ZNF845: variants seen among roughly 807,000 people sequenced by gnomAD.
The protein encoded by ZNF845 is zinc finger protein 845.
Under a neutral mutation model 76.1 loss-of-function variants are expected in ZNF845, and 59 were observed. The ratio of observed to expected loss-of-function variants is 0.78; its 90% CI spans 0.63 to 0.96. The LOEUF (loss-of-function observed/expected upper bound fraction) is 0.96. Among genes scored for constraint, ZNF845 ranks in the 40% least tolerant of loss-of-function variants. The pLI, the probability that ZNF845 is intolerant of heterozygous loss-of-function variation, is 0.00. For missense variants in ZNF845, 1,045 were observed against 1,172.8 expected (o/e 0.89, Z 1.59); for synonymous variants, 361 against 386.9 (o/e 0.93, Z 0.78).
Position 53,353,370 on chromosome 19 carries a change from C to G in ZNF845, c.2695C>G (p.Gln899Glu), listed in dbSNP as rs775236610. The part of the protein sequence containing the change: ...CNKCGKVFNQ[Q>E]AHLACHHRIH... Reference sequence around the variant, plus strand: ...TAAATGTGGTAAGGTTTTTAATCAACAAGCACACCTTGCATGTCATCATAG... The same window carrying G: ...TAAATGTGGTAAGGTTTTTAATCAAGAAGCACACCTTGCATGTCATCATAG... The change falls in exon 4 of 4, where the codon CAA becomes GAA. Residue 899 changes from glutamine (Q) to glutamate (E), a missense_variant. Gln to Glu is a conservative substitution (Grantham distance 29). Transcript: ENST00000458035. The G allele has an allele frequency of 2.8e-5, 45 of 1,608,086 alleles. No individual in the cohort carries two copies. The highest frequency in any genetic ancestry group is 3.6e-5 in the Non-Finnish European group (43 of 1,178,520).
At chr19:53,345,877 G>GTTGTTT (rs2085292918) in intron 3 of ZNF845, among the ~76,000 whole-genome samples, 1 of 145,626 alleles carries the variant, frequency 6.9e-6, no homozygotes, top group African/African-American at 2.5e-5. Context: ...TTTTGTAGTT[G>GTTGTTT]TTGTTTTTGT....
At chr19:53,335,363 C>T (rs775850801) in intron 1 of ZNF845, among the ~76,000 whole-genome samples, 1 of 152,140 alleles carries the variant, frequency 6.6e-6, no homozygotes. Context: ...TAGGCTCAAG[C>T]GATCCTCTTA....
At chr19:53,341,056 T>A (rs2085252968) in intron 1 of ZNF845, 179 bp from the exon 2 acceptor site, 1 of 634,654 alleles carries the variant, frequency 1.6e-6, no homozygotes, top group African/African-American at 1.9e-5. Context: ...TTGGCTGCTC[T>A]GCATGCTTCT....
chr19:53,334,551 G>C (rs111720466), intron 1 of ZNF845, among the ~76,000 whole-genome samples: 8,376 of 152,074 alleles, frequency 0.055, 572 homozygotes, highest in African/African-American at 0.16. Context: ...ACAAGAGCTA[G>C]AGAGAGAAGG....
intron 1 of ZNF845, among the ~76,000 whole-genome samples, chr19:53,339,449 CTG>C (rs2085240786): frequency 6.6e-6 from 1 of 152,192 alleles, no homozygotes; most frequent in Non-Finnish European, 1.5e-5. Context: ...GTTTCCCTGC[CTG>C]TCCTTGATCC....
At chr19:53,333,963 A>C (rs1276351851) in intron 1 of ZNF845, among the ~76,000 whole-genome samples, 171 bp downstream of exon 1, 1 of 152,234 alleles carries the variant, frequency 6.6e-6, no homozygotes, top group Non-Finnish European at 1.5e-5. Flanking sequence ...TTGGGTTTAA[A>C]GTCGCCCTGA....
At chr19:53,338,716 ACACACG>A (rs751790021) in intron 1 of ZNF845, among the ~76,000 whole-genome samples, 10 of 77,110 alleles carry the variant, frequency 1.3e-4, no homozygotes, top group African/African-American at 2.7e-4. Flanking sequence ...ACACACACAC[ACACACG>A]CACACACACA....
intron 3 of ZNF845, chr19:53,346,377 T>C (rs532841780): frequency 3.5e-6 from 1 of 282,222 alleles, no homozygotes; most frequent in South Asian, 1.8e-5. Context: ...GCAGCCGGCT[T>C]CGCTCTCGTG....
At chr19:53,334,665 C>T (rs1423252908) in intron 1 of ZNF845, among the ~76,000 whole-genome samples, 1 of 150,710 alleles carries the variant, frequency 6.6e-6, no homozygotes, top group African/African-American at 2.4e-5. Flanking sequence ...CTTTAGGAGA[C>T]TGGGGCAGAG....
chr19:53,335,787 A>C (rs1396719062), intron 1 of ZNF845, among the ~76,000 whole-genome samples: 2 of 151,928 alleles, frequency 1.3e-5, no homozygotes, highest in African/African-American at 2.4e-5. Flanking sequence ...TTTTTAGTAG[A>C]GACGGGGTTT....
intron 1 of ZNF845, among the ~76,000 whole-genome samples, chr19:53,336,604 C>G (rs2085215508): frequency 7.1e-6 from 1 of 141,464 alleles, no homozygotes; most frequent in Non-Finnish European, 1.6e-5. Context: ...TTTTTTCTTT[C>G]TGGTTCCTCT....
At chr19:53,342,344 T>C (rs2085262499) in intron 2 of ZNF845, among the ~76,000 whole-genome samples, 1 of 152,058 alleles carries the variant, frequency 6.6e-6, no homozygotes, top group Non-Finnish European at 1.5e-5. Flanking sequence ...CTCAAACTTC[T>C]GACCTAAGGT....
At chr19:53,339,069 C>T (rs1340421795) in intron 1 of ZNF845, among the ~76,000 whole-genome samples, 2 of 152,112 alleles carry the variant, frequency 1.3e-5, no homozygotes, top group African/African-American at 4.8e-5. Context: ...CATTGCACTA[C>T]AGCATGGTGA....
In ZNF845 at chr19:53,353,940, A is replaced by C. The variant is rs191683588; in HGVS notation, c.*352A>C. On this transcript the variant is annotated 3_prime_UTR_variant, in exon 4 of 4. Transcript: ENST00000458035. ...TTTTGAAAGTGTAATAAATGTGGCA[A>C]ATTTTTCAGACATTGTTCATACCTT... is the stretch of plus-strand genomic sequence containing the variant. 7 of 708,622 alleles carry C rather than the reference A, an allele frequency of 9.9e-6. No individual in the cohort carries two copies. Among genetic ancestry groups the C allele is most frequent in the African/African-American group, 1.8e-5 (1 of 54,896 alleles). 43.9% of individuals were successfully genotyped at this position (708,622 alleles called of 1,614,324 possible).
At chr19:53,342,562 C>T (rs1271686321) in intron 2 of ZNF845, among the ~76,000 whole-genome samples, 1 of 152,112 alleles carries the variant, frequency 6.6e-6, no homozygotes, top group African/African-American at 2.4e-5. Context: ...ACCCTCCTTC[C>T]AGCCTCATTG....
intron 1 of ZNF845, among the ~76,000 whole-genome samples, chr19:53,339,155 CAA>C (rs2085238508): frequency 6.6e-6 from 1 of 151,902 alleles, no homozygotes; most frequent in African/African-American, 2.4e-5. Context: ...ATTTTTTCCA[CAA>C]AGAGGGGCCA....
rs565694028 is a variant in ZNF845, at chr19:53,348,847, A to ATTTT, written c.143-1949_143-1946dup. Among the ~76,000 whole-genome samples, 906 of 96,658 alleles carry ATTTT rather than the reference A, an allele frequency of 9.4e-3. 2 individuals are homozygous for ATTTT. The highest frequency in any genetic ancestry group is 0.015 in the East Asian group (47 of 3,184). The allele number at this position is 96,658 out of a possible 152,430, so 63.4% of individuals were successfully genotyped here. ...TTGCACCTTCTGACATTGTTAGTCA[A>ATTTT]TTTTTTTTTTTTTTTTTTTTTTTTT... On this transcript the variant is annotated intron_variant, in intron 3 of 3. Coordinates refer to ENST00000458035, the MANE Select transcript of ZNF845 (RefSeq NM_138374.3).
At position 53,351,536 on chromosome 19, in the gene ZNF845, A is replaced by C. The variant is rs561466091; in HGVS notation, c.861A>C (p.Thr287=). 1 of 1,614,192 alleles carries C rather than the reference A, an allele frequency of 6.2e-7. No individual in the cohort carries two copies. The highest frequency in any genetic ancestry group is 2.2e-5 in the East Asian group (1 of 44,872). The change falls in exon 4 of 4, where the codon ACA becomes ACC. Residue 287 remains threonine (T), a synonymous_variant. Transcript: ENST00000458035. ...CCTTCAGTCAGGAGTTAACCCTTAC[A>C]TGCCATCATAGACTTCATACTGGAG... The part of the protein sequence containing the change: ...GKTFSQELTL[T]CHHRLHTGEK...
At position 53,351,001 on chromosome 19, in the gene ZNF845, A is replaced by T; in HGVS notation, c.326A>T (p.His109Leu). 1 of 1,614,224 alleles carries T rather than the reference A, an allele frequency of 6.2e-7. No homozygotes were observed. The highest frequency in any genetic ancestry group is 8.5e-7 in the Non-Finnish European group (1 of 1,180,036). The change falls in exon 4 of 4, where the codon CAT becomes CTT. Residue 109 changes from histidine to leucine, a missense_variant. Coordinates refer to ENST00000458035, the MANE Select transcript of ZNF845 (RefSeq NM_138374.3). ...TGGAAAGAAGATGAAAGAAATAGCCATGAAGCACCCATGACAGAAATCAAA... is the reference window on the plus strand; with the variant it reads ...TGGAAAGAAGATGAAAGAAATAGCCTTGAAGCACCCATGACAGAAATCAAA... ...FQWKEDERNS[H>L]EAPMTEIKQL...
Sources: allele counts gnomAD v4.1 joint callset (sites outside exome capture counted in the v4.1 genomes callset), GRCh38; gene constraint gnomAD v4.1.1; transcripts MANE v1.5; gene names NCBI Gene and HGNC (gene_info 2026-07-23, HGNC 2026-07-21).